Variants in HECA observed in about 807,000 individuals in gnomAD.
The protein encoded by HECA is headcase protein homolog.
HECA carries 13 observed loss-of-function variants against 37.6 expected under a neutral mutation model. That is an observed-to-expected ratio of 0.35 (90% confidence interval 0.23 to 0.55). HECA has a LOEUF of 0.55. Ranked by LOEUF, HECA falls within the 20% of genes least tolerant of loss-of-function variation. HECA has a pLI of 0.90. For synonymous variants in HECA, 307 were observed against 291.5 expected (o/e 1.05, Z -0.54); for missense variants, 527 against 701.9 (o/e 0.75, Z 2.82).
In HECA at chr6:139,144,319, A is replaced by AGAGACATGGAAACAACAG. The variant is rs1165409330; in HGVS notation, c.271+8656_271+8673dup. The AGAGACATGGAAACAACAG allele has an allele frequency of 3.3e-5, 5 of 152,264 alleles. No homozygotes were observed. The East Asian group carries it at 5.8e-4, about 18-fold the overall frequency. The allele number at this position is 152,264 out of a possible 1,614,324, so 9.4% of individuals were successfully genotyped here. On this transcript the variant is annotated intron_variant, in intron 1 of 3. Coordinates refer to ENST00000367658, the MANE Select transcript of HECA (RefSeq NM_016217.3). ...CAAGGGCTCACTGTGAAGCTGGCAG[A>AGAGACATGGAAACAACAG]GAGACATGGAAACAACAGGAGCCAT...
chr6:139,146,926 C>T (rs1774592303), intron 1 of HECA, among the ~76,000 whole-genome samples: 1 of 152,174 alleles, frequency 6.6e-6, no homozygotes, highest in African/African-American at 2.4e-5. Context: ...GCAAATTAGG[C>T]AAGACTCCTG....
rs1423737098 is a variant in HECA at position 139,179,291 on chromosome 6, T to C, written c.*2186T>C. The C allele has an allele frequency of 9.2e-5, 14 of 152,252 alleles. No homozygotes were observed. The allele number at this position is 152,252 out of a possible 1,614,324, so 9.4% of individuals were successfully genotyped here. A position where few individuals can be genotyped will look rare whatever the true frequency, so the allele number is the denominator to read the frequency against. ...GTAAAATATTTATGATGCTGATCTT[T>C]AACCCACCTAAAATTTTATAGTGAA... On this transcript the variant is annotated 3_prime_UTR_variant, in exon 4 of 4. Coordinates refer to ENST00000367658, the MANE Select transcript of HECA (RefSeq NM_016217.3).
At position 139,180,240 on chromosome 6, in the gene HECA, TA is replaced by T. The variant is rs1270523673; in HGVS notation, c.*3140del. On this transcript the variant is annotated 3_prime_UTR_variant, in exon 4 of 4. Transcript: ENST00000367658. ...TATGTTGGGGGAAAATTAACTCATCTAAAAAGAATCTTATTAGGTATTTGAA... is the reference window on the plus strand; with the variant it reads ...TATGTTGGGGGAAAATTAACTCATCTAAAAGAATCTTATTAGGTATTTGAA... 6.6e-5 allele frequency: 10 copies of T among 152,382 alleles called. No homozygotes were observed. In the East Asian group the frequency reaches 1.9e-3, roughly 29 times the overall value. 9.4% of individuals were successfully genotyped at this position (152,382 alleles called of 1,614,324 possible). A position where few individuals can be genotyped will look rare whatever the true frequency, so the allele number is the denominator to read the frequency against.
intron 2 of HECA, 81 bp downstream of exon 2, chr6:139,167,405 G>GAAAACTACACCAAAA: frequency 8.3e-7 from 1 of 1,203,742 alleles, no homozygotes; most frequent in Non-Finnish European, 1.2e-6. Context: ...CTATTTTGGT[G>GAAAACTACACCAAAA]TAGTTTTCAC....
chr6:139,139,153 T>A (rs1462167117), intron 1 of HECA, among the ~76,000 whole-genome samples: 2 of 151,916 alleles, frequency 1.3e-5, no homozygotes, highest in Admixed American at 6.5e-5. Context: ...GGCAGCAGAG[T>A]CTGCCTTAAT....
intron 1 of HECA, among the ~76,000 whole-genome samples, chr6:139,147,926 A>G (rs1397918005): frequency 6.6e-6 from 1 of 152,228 alleles, no homozygotes; most frequent in African/African-American, 2.4e-5. Context: ...AGTTTACACC[A>G]TCAGTGGTGG....
intron 3 of HECA, among the ~76,000 whole-genome samples, chr6:139,175,582 T>G (rs1019185888): frequency 6.6e-6 from 1 of 152,214 alleles, no homozygotes; most frequent in African/African-American, 2.4e-5. Context: ...AAAGAACTTT[T>G]GAGCCTGTTA....
At chr6:139,147,948 C>G (rs115922758) in intron 1 of HECA, among the ~76,000 whole-genome samples, 1 of 152,200 alleles carries the variant, frequency 6.6e-6, no homozygotes, top group Non-Finnish European at 1.5e-5. Context: ...GCAGTTCCTT[C>G]GCACTCTGTA....
intron 1 of HECA, among the ~76,000 whole-genome samples, chr6:139,151,670 T>G (rs1774652425): frequency 1.3e-5 from 2 of 152,224 alleles, no homozygotes; most frequent in South Asian, 4.1e-4. Flanking sequence ...TAATTGAGTT[T>G]AAGTACTTTT....
intron 1 of HECA, among the ~76,000 whole-genome samples, chr6:139,158,338 T>C (rs1774746061): frequency 6.6e-6 from 1 of 151,810 alleles, no homozygotes; most frequent in Non-Finnish European, 1.5e-5. Context: ...CCGTCTCTAC[T>C]AAAAAATACA....
At chr6:139,146,776 A>G (rs1774590820) in intron 1 of HECA, among the ~76,000 whole-genome samples, 1 of 152,236 alleles carries the variant, frequency 6.6e-6, no homozygotes, top group African/African-American at 2.4e-5. Flanking sequence ...ATTCTTCCAA[A>G]TGGCTTCCAG....
At chr6:139,164,552 A>G (rs1774855080) in intron 1 of HECA, among the ~76,000 whole-genome samples, 1 of 152,166 alleles carries the variant, frequency 6.6e-6, no homozygotes, top group Non-Finnish European at 1.5e-5. Flanking sequence ...GCTTCTGCCT[A>G]GAGGATGAGG....
At chr6:139,158,670 C>CAA (rs4052916) in intron 1 of HECA, among the ~76,000 whole-genome samples, 69,157 of 122,646 alleles carry the variant, frequency 0.56, 19,308 homozygotes, top group Non-Finnish European at 0.6. Flanking sequence ...GACCCTGTCT[C>CAA]AAAAAAAAAA....
chr6:139,161,004 T>C (rs945469814), intron 1 of HECA, among the ~76,000 whole-genome samples: 2 of 152,136 alleles, frequency 1.3e-5, no homozygotes, highest in African/African-American at 2.4e-5. Context: ...TCTTCTGTTA[T>C]TCCCTGCTGC....
Position 139,180,581 on chromosome 6 carries a change from A to G in HECA, c.*3476A>G, listed in dbSNP as rs1775121560. ...ATATTCCGGGTAATTGAAAGAAAAT[A>G]TAATGGATGGGCTCCATTAAAACCA... On this transcript the variant is annotated 3_prime_UTR_variant, in exon 4 of 4. Coordinates refer to ENST00000367658, the MANE Select transcript of HECA (RefSeq NM_016217.3). The G allele has an allele frequency of 1.3e-5, 2 of 152,636 alleles. No individual in the cohort carries two copies. Among genetic ancestry groups the G allele is most frequent in the Non-Finnish European group, 2.9e-5 (2 of 68,038 alleles). 9.5% of individuals were successfully genotyped at this position (152,636 alleles called of 1,614,324 possible). A position where few individuals can be genotyped will look rare whatever the true frequency, so the allele number is the denominator to read the frequency against.
chr6:139,156,846 C>T (rs944186440), intron 1 of HECA, among the ~76,000 whole-genome samples: 3 of 152,212 alleles, frequency 2.0e-5, no homozygotes, highest in Admixed American at 1.3e-4. Flanking sequence ...TCATGAATCT[C>T]TGTTACCCAT....
chr6:139,144,212 A>G (rs944112796), intron 1 of HECA: 16 of 152,310 alleles, frequency 1.1e-4, no homozygotes, highest in African/African-American at 3.6e-4. Flanking sequence ...CATTTACTAC[A>G]TATTTATTAT....
chr6:139,172,933 TTCA>T (rs1582950371), intron 2 of HECA, among the ~76,000 whole-genome samples: 1 of 152,350 alleles, frequency 6.6e-6, no homozygotes, highest in East Asian at 1.9e-4. Context: ...TTACTCTGTC[TTCA>T]TCATTATGGT....
chr6:139,137,617 C>CG (rs1774464849), intron 1 of HECA, among the ~76,000 whole-genome samples: 1 of 147,366 alleles, frequency 6.8e-6, no homozygotes, highest in Admixed American at 7.0e-5. Context: ...CTCTGCCCAC[C>CG]CCCCTACCAG....
Sources: gnomAD v4.1 joint callset for allele counts (sites outside exome capture counted in the v4.1 genomes callset) on GRCh38, gnomAD v4.1.1 for gene constraint, MANE v1.5 for transcripts, NCBI Gene and HGNC (gene_info 2026-07-23, HGNC 2026-07-21) for gene names.